The following PTPRN2 variants were observed in gnomAD, a reference collection of about 807,000 sequenced individuals.
PTPRN2 encodes protein tyrosine phosphatase receptor type N2, also known as receptor-type tyrosine-protein phosphatase N2.
Under a neutral mutation model 118.8 loss-of-function variants are expected in PTPRN2, and 74 were observed. The observed-to-expected ratio is 0.62, with a 90% CI of 0.52 to 0.76. The LOEUF (loss-of-function observed/expected upper bound fraction) is 0.76, where lower values mean the gene tolerates loss of function less well. PTPRN2 is among the 30% of genes least tolerant of loss of function. PTPRN2 has a pLI of 0.00. For missense variants in PTPRN2, 1,481 were observed against 1,394.4 expected (o/e 1.06, Z -0.99); for synonymous variants, 641 against 608.0 (o/e 1.05, Z -0.80).
rs371813046 is a variant in PTPRN2, at chr7:158,230,143, C to T, written c.278-24870G>A. On this transcript the variant is annotated intron_variant, in intron 3 of 22. Transcript: ENST00000389418. Reference sequence around the variant, plus strand: ...ATGAAAAACCTGTCACCCAAGAATACTATATCCAGCAAAGCATTCCTTCAA... The same window carrying T: ...ATGAAAAACCTGTCACCCAAGAATATTATATCCAGCAAAGCATTCCTTCAA... Among the ~76,000 whole-genome samples the T allele has an allele frequency of 3.1e-3, 475 of 152,278 alleles. 4 individuals carry two copies. The highest frequency in any genetic ancestry group is 0.015 in the South Asian group (74 of 4,832).
intron 9 of PTPRN2, among the ~76,000 whole-genome samples, chr7:158,129,628 A>C (rs962661326): frequency 5.3e-5 from 8 of 152,134 alleles, no homozygotes; most frequent in African/African-American, 1.9e-4. Context: ...CCCACACCAC[A>C]CACAAAGCAG....
intron 11 of PTPRN2, chr7:158,028,851 T>A (rs1807471484): frequency 6.6e-6 from 1 of 150,802 alleles, no homozygotes; most frequent in African/African-American, 2.5e-5. Flanking sequence ...GTGGGGAGAG[T>A]CCAGCGTGCA....
intron 11 of PTPRN2, among the ~76,000 whole-genome samples, chr7:157,978,327 T>C (rs1458257226): frequency 1.3e-5 from 2 of 152,022 alleles, no homozygotes; most frequent in East Asian, 1.9e-4. Flanking sequence ...GCTGACCGCA[T>C]GTCTTTTGGC....
At chr7:158,543,731 C>T (rs1383497791) in intron 1 of PTPRN2, among the ~76,000 whole-genome samples, 2 of 152,218 alleles carry the variant, frequency 1.3e-5, no homozygotes, top group African/African-American at 2.4e-5. Flanking sequence ...AAGGTTTCAT[C>T]AGACATTTCA....
At chr7:158,484,792 C>T (rs900443248) in intron 2 of PTPRN2, among the ~76,000 whole-genome samples, 5 of 152,222 alleles carry the variant, frequency 3.3e-5, no homozygotes, top group Non-Finnish European at 5.9e-5. Context: ...TTTCCACGGC[C>T]GGACAGCACT....
intron 3 of PTPRN2, among the ~76,000 whole-genome samples, chr7:158,246,280 C>T (rs957094087): frequency 2.0e-5 from 3 of 151,584 alleles, no homozygotes; most frequent in African/African-American, 7.3e-5. Flanking sequence ...GGGGAAAAAT[C>T]CATGTTATGG....
intron 6 of PTPRN2, among the ~76,000 whole-genome samples, chr7:158,149,662 G>A (rs950772245): frequency 6.6e-6 from 1 of 152,114 alleles, no homozygotes; most frequent in Non-Finnish European, 1.5e-5. Context: ...AAATGACCCA[G>A]GCGTGGTGGC....
intron 11 of PTPRN2, among the ~76,000 whole-genome samples, chr7:158,019,916 C>G (rs1806743157): frequency 6.6e-6 from 1 of 152,270 alleles, no homozygotes; most frequent in Non-Finnish European, 1.5e-5. Flanking sequence ...TTACCAGTCC[C>G]TCAGCTTCGC....
At chr7:158,399,478 C>G (rs368234198) in intron 2 of PTPRN2, among the ~76,000 whole-genome samples, 14 of 152,096 alleles carry the variant, frequency 9.2e-5, no homozygotes, top group Non-Finnish European at 1.9e-4. Context: ...AAAGTGAGAT[C>G]TCTGTCTCTA....
chr7:158,065,567 G>T (rs1810707156), intron 11 of PTPRN2, among the ~76,000 whole-genome samples: 1 of 152,218 alleles, frequency 6.6e-6, no homozygotes, highest in African/African-American at 2.4e-5. Flanking sequence ...GGGGCAGATG[G>T]AGCCATCAGA....
At chr7:157,544,301 CG>C (rs1453878105) in intron 22 of PTPRN2, among the ~76,000 whole-genome samples, 11 of 152,208 alleles carry the variant, frequency 7.2e-5, no homozygotes, top group African/African-American at 2.2e-4. Context: ...TGACAGAATC[CG>C]TGTCTGTCAC....
At chr7:158,026,860 G>GCTGCGTGAA (rs1807312442) in intron 11 of PTPRN2, among the ~76,000 whole-genome samples, 1 of 152,252 alleles carries the variant, frequency 6.6e-6, no homozygotes, top group African/African-American at 2.4e-5. Flanking sequence ...CCTCTGCAGG[G>GCTGCGTGAA]CTGCGTGAAC....
At chr7:157,834,784 G>C (rs1006440900) in intron 12 of PTPRN2, among the ~76,000 whole-genome samples, 1 of 152,240 alleles carries the variant, frequency 6.6e-6, no homozygotes, top group Non-Finnish European at 1.5e-5. Context: ...CACCTTAGGA[G>C]GACAGACGCA....
intron 1 of PTPRN2, among the ~76,000 whole-genome samples, chr7:158,497,443 G>A (rs897824440): frequency 7.2e-5 from 11 of 151,922 alleles, no homozygotes; most frequent in Admixed American, 5.2e-4. Context: ...TTGGGGACCC[G>A]TCCCTTCCTT....
intron 3 of PTPRN2, among the ~76,000 whole-genome samples, chr7:158,281,971 T>C (rs140851173): frequency 6.0e-4 from 91 of 152,328 alleles, no homozygotes; most frequent in Non-Finnish European, 8.1e-4. Flanking sequence ...AGCCCAGCCA[T>C]CGTCTCCCAG....
chr7:158,285,738 G>A (rs538343208), intron 3 of PTPRN2, among the ~76,000 whole-genome samples: 28 of 152,302 alleles, frequency 1.8e-4, no homozygotes, highest in African/African-American at 5.3e-4. Context: ...CGTAGAGCGC[G>A]GGCTGTCTAT....
At chr7:157,757,201 C>T (rs1801838514) in intron 12 of PTPRN2, among the ~76,000 whole-genome samples, 1 of 150,116 alleles carries the variant, frequency 6.7e-6, no homozygotes, top group South Asian at 2.1e-4. Context: ...AGGCAGAGAC[C>T]GTCGAGGAAC....
At chr7:157,819,070 A>G (rs1806623970) in intron 12 of PTPRN2, among the ~76,000 whole-genome samples, 2 of 152,146 alleles carry the variant, frequency 1.3e-5, no homozygotes, top group Non-Finnish European at 2.9e-5. Context: ...TCTGCCACTA[A>G]GCTGCCCTGT....
In PTPRN2 at chr7:157,901,581, G is replaced by C. The variant is rs181339638; in HGVS notation, c.1724-2844C>G. On this transcript the variant is annotated intron_variant, in intron 11 of 22. Transcript: ENST00000389418. Reference sequence around the variant, plus strand: ...TAAGTGCATGTTTTTATCATTCAATGTTTCACAATGGCTGTACTGAATAAT... The same window carrying C: ...TAAGTGCATGTTTTTATCATTCAATCTTTCACAATGGCTGTACTGAATAAT... 8.5e-4 allele frequency among the ~76,000 whole-genome samples: 129 copies of C among 152,306 alleles called. 1 individual carries two copies. The highest frequency in any genetic ancestry group is 2.8e-3 in the African/African-American group (117 of 41,586).
Sources: allele counts gnomAD v4.1 joint callset (sites outside exome capture counted in the v4.1 genomes callset), GRCh38; gene constraint gnomAD v4.1.1; transcripts MANE v1.5; gene names NCBI Gene and HGNC (gene_info 2026-07-23, HGNC 2026-07-21).